Variants in ACTR3C observed in about 807,000 individuals in gnomAD.
The protein encoded by ACTR3C is actin related protein 3C.
In ACTR3C, 18 loss-of-function variants were observed where a neutral mutation model predicts 26.3. The ratio of observed to expected loss-of-function variants is 0.68; its 90% CI spans 0.47 to 1.01. The LOEUF is 1.01. Ranked by LOEUF, ACTR3C falls within the 50% of genes least tolerant of loss-of-function variation. The probability of loss-of-function intolerance (pLI) is 0.00; values close to 1 mark genes in which losing one functional copy is unlikely to be tolerated. For synonymous variants in ACTR3C, 55 were observed against 94.5 expected (o/e 0.58, Z 2.42); for missense variants, 184 against 250.7 (o/e 0.73, Z 1.80).
chr7:150,067,073 C>T, the ACTR3C span, among the ~76,000 whole-genome samples: 107 of 152,296 alleles, frequency 7.0e-4, no homozygotes, highest in African/African-American at 2.3e-3. Flanking sequence ...AAGACAGAGA[C>T]GAAGGGACTC....
chr7:150,032,840 G>C, the ACTR3C span, among the ~76,000 whole-genome samples: 4 of 152,026 alleles, frequency 2.6e-5, no homozygotes, highest in Non-Finnish European at 5.9e-5. Context: ...CTATCACTGA[G>C]AGCTGAAAGA....
chr7:150,088,797 A>G, the ACTR3C span, among the ~76,000 whole-genome samples: 3 of 152,196 alleles, frequency 2.0e-5, no homozygotes, highest in Non-Finnish European at 2.9e-5. Context: ...GAATGTTTGC[A>G]TCTCTGAAAC....
chr7:149,992,157 T>C, the ACTR3C span, among the ~76,000 whole-genome samples: 4 of 152,268 alleles, frequency 2.6e-5, no homozygotes, highest in Admixed American at 6.5e-5. Flanking sequence ...AGAGCTGCAA[T>C]GTGTACAGGC....
the ACTR3C span, among the ~76,000 whole-genome samples, chr7:150,123,862 T>C: frequency 0.47 from 70,980 of 151,928 alleles, 17,182 homozygotes; most frequent in African/African-American, 0.6. Flanking sequence ...AGCAGGACAA[T>C]GGCTCACCCC....
At position 150,302,381 on chromosome 7, in the gene ACTR3C, T is replaced by A. The variant is rs1795491774; in HGVS notation, c.-51-7034A>T. Among the ~76,000 whole-genome samples the A allele has an allele frequency of 2.0e-5, 3 of 152,142 alleles. No homozygotes were observed. The South Asian group carries it at 6.2e-4, about 32-fold the overall frequency. ...AACTCCATAATCAAACACTGCTAGT[T>A]CTTTTTAAGTAAAAAAGACTCGAAA... On this transcript the variant is annotated intron_variant, in intron 1 of 7. Coordinates refer to ENST00000683684, the MANE Select transcript of ACTR3C (RefSeq NM_001164458.2).
chr7:150,120,150 C>T, the ACTR3C span, among the ~76,000 whole-genome samples: 2 of 152,114 alleles, frequency 1.3e-5, no homozygotes, highest in African/African-American at 4.8e-5. Flanking sequence ...CTAAGGTTGA[C>T]ACCCTAACTC....
intron 6 of ACTR3C, among the ~76,000 whole-genome samples, chr7:150,278,008 A>C (rs1175792042): frequency 1.3e-5 from 2 of 152,118 alleles, no homozygotes; most frequent in Non-Finnish European, 2.9e-5. Flanking sequence ...CCCAGTTGGC[A>C]ATGTTGGCCC....
At chr7:149,947,049 C>T in the ACTR3C span, among the ~76,000 whole-genome samples, 1 of 151,612 alleles carries the variant, frequency 6.6e-6, no homozygotes, top group African/African-American at 2.4e-5. Flanking sequence ...ACCACTGGAG[C>T]GGGGGGTACC....
the ACTR3C span, among the ~76,000 whole-genome samples, chr7:150,026,153 C>T: frequency 3.9e-5 from 6 of 152,070 alleles, 1 homozygote; most frequent in South Asian, 1.2e-3. Flanking sequence ...ATAAATAAAT[C>T]CCAATGGTCA....
chr7:150,047,669 G>A, the ACTR3C span: 8 of 933,212 alleles, frequency 8.6e-6, no homozygotes, highest in East Asian at 5.4e-4. Context: ...CATCCGCGCC[G>A]CCGCCGCCGC....
the ACTR3C span, among the ~76,000 whole-genome samples, chr7:149,963,963 T>C: frequency 6.6e-6 from 1 of 152,120 alleles, no homozygotes; most frequent in East Asian, 1.9e-4. Context: ...AACAATATAG[T>C]GCAGAACACA....
At chr7:150,181,810 G>A in the ACTR3C span, among the ~76,000 whole-genome samples, 105 of 150,734 alleles carry the variant, frequency 7.0e-4, no homozygotes, top group Non-Finnish European at 1.1e-3. Context: ...GCTAGGGGAT[G>A]AGATTACCCC....
chr7:149,915,477 TAG>T, the ACTR3C span, among the ~76,000 whole-genome samples: 2 of 151,790 alleles, frequency 1.3e-5, no homozygotes, highest in Non-Finnish European at 2.9e-5. Flanking sequence ...AGCAGACAAA[TAG>T]AGACATGCCT....
the ACTR3C span, among the ~76,000 whole-genome samples, chr7:150,042,413 G>C: frequency 6.8e-6 from 1 of 146,108 alleles, no homozygotes; most frequent in African/African-American, 2.6e-5. Context: ...CTCAGTCCCC[G>C]CGTCGCGAGG....
At chr7:150,206,771 A>G in the ACTR3C span, among the ~76,000 whole-genome samples, 2 of 152,218 alleles carry the variant, frequency 1.3e-5, no homozygotes, top group Admixed American at 6.5e-5. Flanking sequence ...AGCAATGAAT[A>G]ACACCTGTAT....
chr7:150,123,110 G>T, the ACTR3C span, among the ~76,000 whole-genome samples: 2 of 151,652 alleles, frequency 1.3e-5, no homozygotes. Context: ...GGGAGGGATA[G>T]CATTAGGAGA....
At chr7:150,229,253 C>G in the ACTR3C span, among the ~76,000 whole-genome samples, 61 of 152,054 alleles carry the variant, frequency 4.0e-4, no homozygotes, top group African/African-American at 1.2e-3. Flanking sequence ...AGCAACTTGT[C>G]TTGCTCTTTG....
intron 6 of ACTR3C, among the ~76,000 whole-genome samples, chr7:150,260,249 C>T (rs1181585656): frequency 6.6e-6 from 1 of 152,160 alleles, no homozygotes; most frequent in Non-Finnish European, 1.5e-5. Flanking sequence ...GTAGTATATG[C>T]TTAATAATAT....
the ACTR3C span, among the ~76,000 whole-genome samples, chr7:150,224,488 C>A: frequency 6.6e-6 from 1 of 152,206 alleles, no homozygotes; most frequent in African/African-American, 2.4e-5. Flanking sequence ...AAGATAGTTT[C>A]TCACATGTAT....
Sources: allele counts gnomAD v4.1 joint callset (sites outside exome capture counted in the v4.1 genomes callset), GRCh38; gene constraint gnomAD v4.1.1; transcripts MANE v1.5; gene names NCBI Gene and HGNC (gene_info 2026-07-23, HGNC 2026-07-21).